PTCHD1: variants seen among roughly 807,000 people sequenced by gnomAD.
PTCHD1 encodes patched domain containing 1, also known as patched domain-containing protein 1.
Under a neutral mutation model 34.6 loss-of-function variants are expected in PTCHD1, and 3 were observed. That is an observed-to-expected ratio of 0.09 (90% CI 0.04 to 0.22). The LOEUF (loss-of-function observed/expected upper bound fraction) is 0.22, where lower values mean the gene tolerates loss of function less well. PTCHD1 is among the 10% of genes least tolerant of loss of function. PTCHD1 has a pLI of 1.00. For synonymous variants in PTCHD1, 305 were observed against 283.1 expected (o/e 1.08, Z -0.77); for missense variants, 504 against 685.5 (o/e 0.74, Z 2.96).
At chrX:23,362,505 T>G (rs1251465816) in intron 1 of PTCHD1, among the ~76,000 whole-genome samples, 2 of 112,445 alleles carry the variant, frequency 1.8e-5, no homozygotes, top group East Asian at 5.5e-4. Context: ...TCTACACTGT[T>G]TATTCTAGTT....
chrX:23,388,857 G>A (rs941767579), intron 2 of PTCHD1, among the ~76,000 whole-genome samples: 1 of 110,532 alleles, frequency 9.0e-6, no homozygotes, highest in East Asian at 2.8e-4. Context: ...AATGAATGAT[G>A]ATGATGCTAA....
At chrX:23,354,707 C>G (rs73469309) in intron 1 of PTCHD1, among the ~76,000 whole-genome samples, 19,446 of 106,319 alleles carry the variant, frequency 0.18, 1,934 homozygotes, top group African/African-American at 0.37. Flanking sequence ...CGAGTAGCTG[C>G]GACTACAGGC....
chrX:23,361,880 A>G (rs1921995426), intron 1 of PTCHD1, among the ~76,000 whole-genome samples: 1 of 111,777 alleles, frequency 8.9e-6, no homozygotes, highest in Non-Finnish European at 1.9e-5. Context: ...GTTTGTCTGT[A>G]AAGGATTTTA....
chrX:23,342,310 A>ATATATTTTT (rs1921357058), intron 1 of PTCHD1, among the ~76,000 whole-genome samples: 1 of 12,943 alleles, frequency 7.7e-5, no homozygotes, highest in Non-Finnish European at 1.1e-4. Context: ...ATATATATAT[A>ATATATTTTT]TTTTTTTTTT....
rs1922933033 is a variant in PTCHD1, at chrX:23,394,448, A to ACACC, written c.*265_*268dup. On this transcript the variant is annotated 3_prime_UTR_variant, in exon 3 of 3. Transcript: ENST00000379361. The stretch of plus-strand genomic sequence containing the variant: ...CACACACACACACACACACACACAC[A>ACACC]CACCCTGGGAGACCTATAGTCTCTT... The ACACC allele has an allele frequency of 6.6e-6, 2 of 304,915 alleles. No individual in the cohort carries two copies. The highest frequency in any genetic ancestry group is 1.1e-5 in the Non-Finnish European group (2 of 178,121). 25.1% of individuals were successfully genotyped at this position (304,915 alleles called of 1,213,427 possible).
intron 1 of PTCHD1, among the ~76,000 whole-genome samples, chrX:23,359,908 A>G (rs1921922284): frequency 8.9e-6 from 1 of 111,841 alleles, no homozygotes; most frequent in Admixed American, 9.5e-5. Flanking sequence ...TGAGATAATC[A>G]TGTGATTTTT....
Position 23,352,049 on chromosome X carries a change from G to A in PTCHD1, c.351+16823G>A, listed in dbSNP as rs150464561. 3.4e-3 allele frequency among the ~76,000 whole-genome samples: 378 copies of A among 111,788 alleles called. 2 individuals carry two copies. The highest frequency in any genetic ancestry group is 7.2e-3 in the South Asian group (19 of 2,633). On this transcript the variant is annotated intron_variant, in intron 1 of 2. Coordinates refer to ENST00000379361, the MANE Select transcript of PTCHD1 (RefSeq NM_173495.3). Reference sequence around the variant, plus strand: ...GACGTGGGAGAAGAAGGAATGAACTGTACTAGAAAGAAGGAAAGGAAAGAT... The same window carrying A: ...GACGTGGGAGAAGAAGGAATGAACTATACTAGAAAGAAGGAAAGGAAAGAT...
intron 1 of PTCHD1, among the ~76,000 whole-genome samples, chrX:23,343,726 G>A (rs1921403824): frequency 1.8e-5 from 2 of 112,147 alleles, no homozygotes; most frequent in African/African-American, 6.5e-5. Context: ...CACTAAAACT[G>A]CTAATTTTTC....
In PTCHD1 at chrX:23,392,669, T is replaced by C; in HGVS notation, c.1151T>C (p.Val384Ala). The change falls in exon 3 of 3, where the codon GTC becomes GCC. Residue 384 changes from valine (V) to alanine (A), a missense_variant. Physicochemically the swap from Val to Ala is moderately conservative, Grantham distance 64. Transcript: ENST00000379361. ...SFSLTTAMYL[V>A]TFGIGASPFT... ...TCTCTCACCACTGCCATGTACCTGG[T>C]CACCTTTGGCATAGGGGCCAGCCCT... 1 of 1,212,121 alleles carries C rather than the reference T, an allele frequency of 8.3e-7. No individual in the cohort carries two copies.
In PTCHD1 at chrX:23,342,299, TATATATATATA is replaced by T. The variant is rs1454513634; in HGVS notation, c.351+7074_351+7084del. 2.1e-3 allele frequency among the ~76,000 whole-genome samples: 18 copies of T among 8,777 alleles called. No individual in the cohort carries two copies. In the East Asian group the frequency reaches 0.05, roughly 24 times the overall value. 7.6% of individuals were successfully genotyped at this position (8,777 alleles called of 115,157 possible). A position where few individuals can be genotyped will look rare whatever the true frequency, so the allele number is the denominator to read the frequency against. On this transcript the variant is annotated intron_variant, in intron 1 of 2. Coordinates refer to ENST00000379361, the MANE Select transcript of PTCHD1 (RefSeq NM_173495.3). ...ATATATATATATATATATATATATA[TATATATATATA>T]TTTTTTTTTTTTTTTTTTTTTTAAA...
At chrX:23,388,831 GAAA>G (rs539710655) in intron 2 of PTCHD1, among the ~76,000 whole-genome samples, 1 of 94,872 alleles carries the variant, frequency 1.1e-5, no homozygotes, top group African/African-American at 3.8e-5. Context: ...ACTCCGTCTC[GAAA>G]AAAAAAAAAA....
intron 2 of PTCHD1, among the ~76,000 whole-genome samples, chrX:23,385,232 T>C (rs1255135070): frequency 1.8e-5 from 2 of 112,017 alleles, no homozygotes; most frequent in Admixed American, 9.5e-5. Flanking sequence ...TTTATTCTTA[T>C]GCTCCACCAA....
chrX:23,342,298 ATATATATATATATTT>A (rs1256565883), intron 1 of PTCHD1, among the ~76,000 whole-genome samples: 1 of 8,207 alleles, frequency 1.2e-4, no homozygotes. Flanking sequence ...ATATATATAT[ATATATATATATATTT>A]TTTTTTTTTT....
In PTCHD1 at chrX:23,366,177, C is replaced by T. The variant is rs141900201; in HGVS notation, c.352-13414C>T. Among the ~76,000 whole-genome samples, 574 of 112,005 alleles carry T rather than the reference C, an allele frequency of 5.1e-3. 4 individuals carry two copies. Among genetic ancestry groups the T allele is most frequent in the Middle Eastern group, 0.018 (4 of 217 alleles). ...CTAGTATGACCCCCACGGTTCAGACCTTCATTTCGTCAGTGAACTAGTTGT... is the reference window on the plus strand; with the variant it reads ...CTAGTATGACCCCCACGGTTCAGACTTTCATTTCGTCAGTGAACTAGTTGT... On this transcript the variant is annotated intron_variant, in intron 1 of 2. Transcript: ENST00000379361.
chrX:23,379,319 C>A (rs1169961017), intron 1 of PTCHD1, among the ~76,000 whole-genome samples: 1 of 111,808 alleles, frequency 8.9e-6, no homozygotes, highest in African/African-American at 3.3e-5. Flanking sequence ...CTGGGCTACA[C>A]CCCAGAAATT....
upstream of PTCHD1, chrX:23,334,786 C>T: frequency 5.2e-6 from 2 of 383,368 alleles, no homozygotes; most frequent in Non-Finnish European, 6.5e-6. Context: ...GCGGGCGCCG[C>T]TGCCGCCGCC....
intron 1 of PTCHD1, among the ~76,000 whole-genome samples, chrX:23,354,448 GAGAGAA>G (rs1921739973): frequency 9.6e-6 from 1 of 104,602 alleles, no homozygotes; most frequent in South Asian, 4.3e-4. Flanking sequence ...GAGAGAGAGA[GAGAGAA>G]ACACACAACT....
chrX:23,342,922 C>T (rs1347690420), intron 1 of PTCHD1, among the ~76,000 whole-genome samples: 1 of 111,963 alleles, frequency 8.9e-6, no homozygotes, highest in Non-Finnish European at 1.9e-5. Flanking sequence ...GAGCTGTAGA[C>T]TCTTATGTAA....
chrX:23,351,834 G>T (rs757059955), intron 1 of PTCHD1, among the ~76,000 whole-genome samples: 22 of 112,078 alleles, frequency 2.0e-4, no homozygotes, highest in Non-Finnish European at 3.4e-4. Flanking sequence ...GGGAGGTGAG[G>T]AAATAAAGTT....
Sources: allele counts gnomAD v4.1 joint callset (sites outside exome capture counted in the v4.1 genomes callset), GRCh38; gene constraint gnomAD v4.1.1; transcripts MANE v1.5; gene names NCBI Gene and HGNC (gene_info 2026-07-23, HGNC 2026-07-21).